The following FCHSD2 variants were observed in gnomAD, a reference collection of about 807,000 sequenced individuals.
FCHSD2 encodes the protein FCH and double SH3 domains 2, also known as F-BAR and double SH3 domains protein 2.
Under a neutral mutation model 108.1 loss-of-function variants are expected in FCHSD2, and 38 were observed. The observed-to-expected ratio is 0.35, with a 90% confidence interval of 0.27 to 0.46. The LOEUF is 0.46. Ranked by LOEUF, FCHSD2 falls within the 20% of genes least tolerant of loss-of-function variation. FCHSD2 has a pLI of 1.00. For synonymous variants in FCHSD2, 279 were observed against 314.7 expected (o/e 0.89, Z 1.20); for missense variants, 751 against 897.8 (o/e 0.84, Z 2.09).
intron 10 of FCHSD2, among the ~76,000 whole-genome samples, chr11:72,896,470 G>GA (rs1855419821): frequency 6.6e-6 from 1 of 152,190 alleles, no homozygotes; most frequent in Non-Finnish European, 1.5e-5. Context: ...GTAATGAAAG[G>GA]ATAGGTCACT....
At chr11:72,982,264 T>G (rs1052898871) in intron 8 of FCHSD2, among the ~76,000 whole-genome samples, 1 of 152,238 alleles carries the variant, frequency 6.6e-6, no homozygotes. Context: ...GTCCCATCTC[T>G]ACTTTCAAGG....
chr11:73,096,987 A>ATTTTTTTTTTT (rs60223064), intron 2 of FCHSD2, among the ~76,000 whole-genome samples: 1,329 of 27,036 alleles, frequency 0.049, 497 homozygotes, highest in Middle Eastern at 0.091. Context: ...TCATTGATGG[A>ATTTTTTTTTTT]TTTTTTTTTT....
In FCHSD2 at chr11:72,849,738, G is replaced by A. The variant is rs1861233463; in HGVS notation, c.1443+17C>T. On this transcript the variant is annotated intron_variant, in intron 14 of 19. Coordinates refer to ENST00000409418, the MANE Select transcript of FCHSD2 (RefSeq NM_014824.3). ...GTTAATCAGAATTTAATAACATTAT[G>A]TTGGAGAAATACAAACCTTGTAGGA... 1 of 1,586,478 alleles carries A rather than the reference G, an allele frequency of 6.3e-7. No individual in the cohort carries two copies.
chr11:72,978,627 C>T (rs891135903), intron 8 of FCHSD2, among the ~76,000 whole-genome samples: 1 of 152,016 alleles, frequency 6.6e-6, no homozygotes, highest in Non-Finnish European at 1.5e-5. Flanking sequence ...GGAGCGATTT[C>T]CCTGATGCTG....
chr11:72,840,396 G>C (rs1860882624), intron 19 of FCHSD2, among the ~76,000 whole-genome samples: 1 of 152,232 alleles, frequency 6.6e-6, no homozygotes, highest in Admixed American at 6.5e-5. Context: ...TTGGAGTACA[G>C]TGGTGGGTGG....
intron 19 of FCHSD2, among the ~76,000 whole-genome samples, chr11:72,839,126 T>G (rs1860825081): frequency 6.6e-6 from 1 of 152,190 alleles, no homozygotes; most frequent in African/African-American, 2.4e-5. Context: ...GTCCTATGAC[T>G]AAGATCCTAG....
chr11:72,913,170 C>A (rs1855797786), intron 9 of FCHSD2, among the ~76,000 whole-genome samples: 1 of 152,122 alleles, frequency 6.6e-6, no homozygotes, highest in Non-Finnish European at 1.5e-5. Context: ...TCCCACTGGC[C>A]CCTCCTCCAA....
intron 9 of FCHSD2, among the ~76,000 whole-genome samples, chr11:72,910,113 C>T (rs1380777098): frequency 2.1e-5 from 3 of 143,700 alleles, no homozygotes; most frequent in East Asian, 2.1e-4. Context: ...GGCCACCCAT[C>T]GTCTGGGAAG....
intron 12 of FCHSD2, among the ~76,000 whole-genome samples, chr11:72,884,436 C>T (rs1433525363): frequency 6.6e-6 from 1 of 150,774 alleles, no homozygotes; most frequent in Admixed American, 6.6e-5. Flanking sequence ...CAGTAACAGG[C>T]CCAGAGGTAA....
chr11:73,118,733 A>C (rs987397086), intron 2 of FCHSD2, among the ~76,000 whole-genome samples: 1 of 152,204 alleles, frequency 6.6e-6, no homozygotes. Context: ...GGCAAACACT[A>C]ACTGAGCCCT....
intron 8 of FCHSD2, among the ~76,000 whole-genome samples, chr11:72,932,549 T>A (rs1484078343): frequency 6.6e-6 from 1 of 152,194 alleles, no homozygotes; most frequent in East Asian, 1.9e-4. Flanking sequence ...CTTTTTTGCC[T>A]CTGAGCTTTC....
At chr11:73,027,747 T>C (rs1462605206) in intron 3 of FCHSD2, among the ~76,000 whole-genome samples, 1 of 152,150 alleles carries the variant, frequency 6.6e-6, no homozygotes, top group Admixed American at 6.5e-5. Context: ...GGAAAAATGG[T>C]TTTGTAGCCC....
At chr11:72,945,280 C>G (rs1289479403) in intron 8 of FCHSD2, among the ~76,000 whole-genome samples, 3 of 152,182 alleles carry the variant, frequency 2.0e-5, no homozygotes, top group East Asian at 1.9e-4. Flanking sequence ...ACAAACCTGA[C>G]AAAAACAAGA....
chr11:72,841,519 C>T lies in FCHSD2; in HGVS notation c.1991G>A (p.Ser664Asn). 2 of 1,610,840 alleles carry T rather than the reference C, an allele frequency of 1.2e-6. No homozygotes were observed. The highest frequency in any genetic ancestry group is 1.7e-6 in the Non-Finnish European group (2 of 1,178,722). The change falls in exon 18 of 20, where the codon AGC becomes AAC. Residue 664 changes from serine to asparagine, a missense_variant. Coordinates refer to ENST00000409418, the MANE Select transcript of FCHSD2 (RefSeq NM_014824.3). Reference protein sequence around the residue: ...PPLPLYDQPPSSPYPSPDKRS... With the variant: ...PPLPLYDQPPNSPYPSPDKRS... ...CTTATCTGGGCTGGGGTAGGGGCTG[C>T]TGGGAGGCTGGTCGTACAACGGCAG...
intron 2 of FCHSD2, among the ~76,000 whole-genome samples, chr11:73,115,350 C>G (rs1219906315): frequency 6.6e-6 from 1 of 152,148 alleles, no homozygotes; most frequent in East Asian, 1.9e-4. Flanking sequence ...TCTTCAGTGC[C>G]TCTTTTGTAT....
At chr11:73,012,008 C>T (rs938465500) in intron 4 of FCHSD2, among the ~76,000 whole-genome samples, 2 of 152,118 alleles carry the variant, frequency 1.3e-5, no homozygotes, top group African/African-American at 4.8e-5. Context: ...CCCTTTGATC[C>T]AGCATTTCTC....
intron 2 of FCHSD2, among the ~76,000 whole-genome samples, chr11:73,089,584 T>C (rs1232674496): frequency 6.6e-6 from 1 of 152,242 alleles, no homozygotes; most frequent in Admixed American, 6.5e-5. Context: ...ATTTATATAA[T>C]GGAATGTTAT....
chr11:73,118,693 C>T (rs1056564496), intron 2 of FCHSD2, among the ~76,000 whole-genome samples: 3 of 152,050 alleles, frequency 2.0e-5, no homozygotes, highest in African/African-American at 7.2e-5. Context: ...TGCATGTGAT[C>T]AGAGAATATG....
At chr11:72,843,658 A>C in intron 14 of FCHSD2, 126 bp from the exon 15 acceptor site, 1 of 670,114 alleles carries the variant, frequency 1.5e-6, no homozygotes, top group Non-Finnish European at 2.6e-6. Context: ...GAACATAAAA[A>C]TTTAAATGCT....
Sources: allele counts gnomAD v4.1 joint callset (sites outside exome capture counted in the v4.1 genomes callset), GRCh38; gene constraint gnomAD v4.1.1; transcripts MANE v1.5; gene names NCBI Gene and HGNC (gene_info 2026-07-23, HGNC 2026-07-21).